AFDN: variants seen among roughly 807,000 people sequenced by gnomAD.
AFDN encodes the protein afadin.
Under a neutral mutation model 216.6 loss-of-function variants are expected in AFDN, and 68 were observed. That is an observed-to-expected ratio of 0.31 (90% CI 0.26 to 0.38). AFDN has a LOEUF of 0.38. AFDN is among the 10% of genes least tolerant of loss of function. The probability of loss-of-function intolerance (pLI) is 1.00; values close to 1 mark genes in which losing one functional copy is unlikely to be tolerated. For missense variants in AFDN, 2,136 were observed against 2,342.0 expected (o/e 0.91, Z 1.82); for synonymous variants, 868 against 853.7 (o/e 1.02, Z -0.29).
At chr6:167,925,741 G>T (rs1430565390) in intron 23 of AFDN, among the ~76,000 whole-genome samples, 1 of 152,194 alleles carries the variant, frequency 6.6e-6, no homozygotes, top group Non-Finnish European at 1.5e-5. Context: ...TTAAAGAAAT[G>T]AGTATTGTGA....
At chr6:167,948,781 G>C (rs1353415277) in intron 29 of AFDN, among the ~76,000 whole-genome samples, 1 of 152,250 alleles carries the variant, frequency 6.6e-6, no homozygotes, top group Non-Finnish European at 1.5e-5. Flanking sequence ...ATTTTGCACT[G>C]TATCAGGAGC....
Position 167,951,459 on chromosome 6 carries a change from A to G in AFDN, c.4105A>G (p.Thr1369Ala). The change falls in exon 30 of 34, where the codon ACA (threonine) becomes GCA (alanine). Residue 1369 changes from threonine to alanine, a missense_variant. Around this residue, in one of 8 missense-constraint regions of AFDN, gnomAD observed 981 missense variants for 966.0 expected, o/e 1.02. Transcript: ENST00000683244. The surrounding 1 kb of genome is among the most constrained non-coding windows in gnomAD (Gnocchi z 7.1). Reference protein sequence around the residue: ...TPVAVSQPIRTDLPPPPPPPP... With the variant: ...TPVAVSQPIRADLPPPPPPPP... ...TGTGGCCGTCTCCCAGCCAATCCGA[A>G]CAGACCTGCCTCCGCCACCCCCGCC... is the stretch of plus-strand genomic sequence containing the variant. 6.2e-7 allele frequency: 1 copy of G among 1,614,044 alleles called. No individual in the cohort carries two copies. The highest frequency in any genetic ancestry group is 1.1e-5 in the South Asian group (1 of 91,066).
intron 1 of AFDN, among the ~76,000 whole-genome samples, chr6:167,829,501 A>G (rs1439772188): frequency 6.6e-6 from 1 of 152,040 alleles, no homozygotes; most frequent in Admixed American, 6.6e-5. Flanking sequence ...CACAAGTCCA[A>G]TTTTTTAGTT....
intron 11 of AFDN, among the ~76,000 whole-genome samples, chr6:167,901,347 C>G (rs1788922822): frequency 6.6e-6 from 1 of 152,050 alleles, no homozygotes; most frequent in Non-Finnish European, 1.5e-5. Flanking sequence ...TGAGCTGGGA[C>G]CAGTGAGTTG....
intron 11 of AFDN, 107 bp downstream of exon 11, chr6:167,898,574 A>G: frequency 7.9e-7 from 1 of 1,262,498 alleles, no homozygotes; most frequent in Non-Finnish European, 1.1e-6. Flanking sequence ...TTTTAAAAAA[A>G]TATCAAAGTG....
intron 20 of AFDN, 34 bp from the exon 21 acceptor site, chr6:167,918,701 T>TG: frequency 6.2e-7 from 1 of 1,607,198 alleles, no homozygotes; most frequent in Non-Finnish European, 8.5e-7. Context: ...GCAGTGAGCA[T>TG]CTCTTTTTAA....
intron 31 of AFDN, chr6:167,964,057 A>G (rs1310637112): frequency 4.7e-6 from 5 of 1,064,290 alleles, no homozygotes; most frequent in Non-Finnish European, 5.7e-6. Context: ...AGAGAGGACC[A>G]GGCCATGTTT....
At chr6:167,860,999 G>A (rs951468522) in intron 1 of AFDN, among the ~76,000 whole-genome samples, 1 of 152,228 alleles carries the variant, frequency 6.6e-6, no homozygotes, top group Non-Finnish European at 1.5e-5. Context: ...TCTGGGGCCA[G>A]TTAATGCTGG....
Position 167,962,077 on chromosome 6 carries a change from G to A in AFDN, c.4834-356G>A, listed in dbSNP as rs982431061. 1.3e-5 allele frequency among the ~76,000 whole-genome samples: 2 copies of A among 152,168 alleles called. No individual in the cohort carries two copies. The highest frequency in any genetic ancestry group is 2.9e-5 in the Non-Finnish European group (2 of 68,032). On this transcript the variant is annotated intron_variant, in intron 30 of 33. Coordinates refer to ENST00000683244, the MANE Select transcript of AFDN (RefSeq NM_001386888.1). This position sits in a 1 kb window ranked among gnomAD's most constrained non-coding sequence, Gnocchi z 5.2. ...GTGTGTTCTGCAGGTCCATCAAGTGGGGCCTGTTTGAGCCTGTTAATTTAC... is the reference window on the plus strand; with the variant it reads ...GTGTGTTCTGCAGGTCCATCAAGTGAGGCCTGTTTGAGCCTGTTAATTTAC...
At position 167,826,946 on chromosome 6, in the gene AFDN, G is replaced by T. The variant is rs1779137402; in HGVS notation, c.-187G>T. 1.4e-5 allele frequency: 2 copies of T among 147,776 alleles called. No individual in the cohort carries two copies. Among genetic ancestry groups the T allele is most frequent in the South Asian group, 3.9e-4 (2 of 5,134 alleles). 9.2% of individuals were successfully genotyped at this position (147,776 alleles called of 1,614,324 possible). ...CGGCGGGGCTGAGGCGGCGCGGCGC[G>T]GCGCGGACTGAGCCCCAGGCGGAGG... On this transcript the variant is annotated 5_prime_UTR_variant, in exon 1 of 34. Transcript: ENST00000683244.
intron 4 of AFDN, among the ~76,000 whole-genome samples, chr6:167,874,944 T>C (rs749731297): frequency 2.6e-5 from 4 of 152,172 alleles, no homozygotes; most frequent in Admixed American, 6.5e-5. Context: ...AGACAGATTT[T>C]TGCAAAATTA....
At chr6:167,916,907 A>G (rs1329771176) in intron 19 of AFDN, among the ~76,000 whole-genome samples, 182 bp from the exon 20 acceptor site, 1 of 152,194 alleles carries the variant, frequency 6.6e-6, no homozygotes, top group Non-Finnish European at 1.5e-5. Context: ...CCTTTACAAG[A>G]TAATGCTTTT....
At chr6:167,898,532 T>C in intron 11 of AFDN, 65 bp downstream of exon 11, 3 of 1,445,946 alleles carry the variant, frequency 2.1e-6, no homozygotes, top group South Asian at 2.8e-5. Context: ...AGATTATTCA[T>C]AGATATCTTG....
intron 26 of AFDN, among the ~76,000 whole-genome samples, chr6:167,946,412 AT>A (rs1214478917): frequency 1.3e-3 from 202 of 150,578 alleles, no homozygotes; most frequent in African/African-American, 2.7e-3. Context: ...ATCTTTATTG[AT>A]TTTTTTTTTA....
chr6:167,918,620 G>C, intron 20 of AFDN, 115 bp from the exon 21 acceptor site: 1 of 882,134 alleles, frequency 1.1e-6, no homozygotes, highest in Non-Finnish European at 1.8e-6. Flanking sequence ...GTGTGTGTGT[G>C]TGTGTCTGTG....
intron 13 of AFDN, among the ~76,000 whole-genome samples, chr6:167,907,551 A>G (rs1021156980): frequency 2.0e-5 from 3 of 152,220 alleles, no homozygotes; most frequent in Admixed American, 6.5e-5. Context: ...AAAATTTGCT[A>G]CTTTGTAAAA....
At position 167,951,221 on chromosome 6, in the gene AFDN, T is replaced by G; in HGVS notation, c.3867T>G (p.Asp1289Glu). 1 of 1,587,972 alleles carries G rather than the reference T, an allele frequency of 6.3e-7. No homozygotes were observed. The highest frequency in any genetic ancestry group is 1.4e-5 in the African/African-American group (1 of 73,692). The part of the protein sequence containing the change: ...VTRSQEELRE[D>E]KAYQLERHRI... Reference sequence around the variant, plus strand: ...GTTCCCAAGAAGAACTTCGAGAAGATAAAGCTTACCAACTTGAGCGGCATC... The same window carrying G: ...GTTCCCAAGAAGAACTTCGAGAAGAGAAAGCTTACCAACTTGAGCGGCATC... Residue 1289 changes from aspartate (D) to glutamate (E), a missense_variant, in exon 30 of 34, where the codon GAT becomes GAG. Transcript: ENST00000683244. The surrounding 1 kb of genome is among the most constrained non-coding windows in gnomAD (Gnocchi z 7.1).
chr6:167,861,898 G>C (rs974631372), intron 1 of AFDN, among the ~76,000 whole-genome samples: 9 of 152,188 alleles, frequency 5.9e-5, no homozygotes, highest in Admixed American at 3.3e-4. Flanking sequence ...TTAGCAAAAT[G>C]ATTGAGTACT....
chr6:167,839,307 T>C (rs1780792789), intron 1 of AFDN, among the ~76,000 whole-genome samples: 1 of 152,216 alleles, frequency 6.6e-6, no homozygotes, highest in African/African-American at 2.4e-5. Context: ...GAAATAGTTA[T>C]GTGCCTGTTT....
Sources: gnomAD v4.1 joint callset for allele counts (sites outside exome capture counted in the v4.1 genomes callset) on GRCh38, gnomAD v4.1.1 for gene constraint, gnomAD v4.1.1 regional missense constraint, Gnocchi (gnomAD v3.1) non-coding constraint, MANE v1.5 for transcripts, NCBI Gene and HGNC (gene_info 2026-07-23, HGNC 2026-07-21) for gene names.